Variants in KDM4C observed in about 807,000 individuals in gnomAD.
KDM4C encodes lysine-specific demethylase 4C.
In KDM4C, 81 loss-of-function variants were observed where a neutral mutation model predicts 129.3. The ratio of observed to expected loss-of-function variants is 0.63; its 90% CI spans 0.52 to 0.75. KDM4C has a LOEUF of 0.75. KDM4C is among the 30% of genes least tolerant of loss of function. The pLI, the probability that KDM4C is intolerant of heterozygous loss-of-function variation, is 0.00. For synonymous variants in KDM4C, 573 were observed against 456.1 expected (o/e 1.26, Z -3.26); for missense variants, 1,457 against 1,304.0 (o/e 1.12, Z -1.81).
At chr9:6,938,861 A>G (rs1052685158) in intron 8 of KDM4C, among the ~76,000 whole-genome samples, 3 of 152,072 alleles carry the variant, frequency 2.0e-5, no homozygotes, top group Admixed American at 6.5e-5. Flanking sequence ...ATAATAAAAT[A>G]TTATTGTTCT....
intron 17 of KDM4C, among the ~76,000 whole-genome samples, chr9:7,072,688 G>A (rs1833369898): frequency 6.6e-6 from 1 of 152,152 alleles, no homozygotes; most frequent in Non-Finnish European, 1.5e-5. Flanking sequence ...TCTTGATTGT[G>A]GTGGAGGTAC....
At chr9:6,865,420 CTATGT>C (rs1841775565) in intron 5 of KDM4C, among the ~76,000 whole-genome samples, 1 of 152,178 alleles carries the variant, frequency 6.6e-6, no homozygotes, top group Admixed American at 6.5e-5. Flanking sequence ...TTACATATAG[CTATGT>C]TATTAGGGCC....
At chr9:6,833,246 T>C (rs1260678902) in intron 4 of KDM4C, among the ~76,000 whole-genome samples, 1 of 152,162 alleles carries the variant, frequency 6.6e-6, no homozygotes, top group Non-Finnish European at 1.5e-5. Context: ...TTAGCCTATT[T>C]TTTTTAAAAA....
intron 17 of KDM4C, among the ~76,000 whole-genome samples, chr9:7,078,993 G>A (rs1428975199): frequency 6.6e-6 from 1 of 152,178 alleles, no homozygotes; most frequent in Non-Finnish European, 1.5e-5. Flanking sequence ...CCTCTGCCTA[G>A]CATGTACCAA....
chr9:7,083,693 C>G (rs987286644), intron 17 of KDM4C, among the ~76,000 whole-genome samples: 4 of 144,838 alleles, frequency 2.8e-5, no homozygotes, highest in African/African-American at 1.1e-4. Flanking sequence ...CTGAAACGTC[C>G]CATGTAGCAC....
intron 5 of KDM4C, among the ~76,000 whole-genome samples, chr9:6,855,938 G>A (rs1014780008): frequency 6.6e-6 from 1 of 152,054 alleles, no homozygotes; most frequent in Non-Finnish European, 1.5e-5. Flanking sequence ...ATGGGGTCTC[G>A]CTGGGTTGCC....
At chr9:6,927,950 G>C (rs995424013) in intron 8 of KDM4C, among the ~76,000 whole-genome samples, 4 of 152,038 alleles carry the variant, frequency 2.6e-5, no homozygotes, top group African/African-American at 9.7e-5. Context: ...TGAACTTTTG[G>C]TATCATCCTA....
chr9:7,094,030 T>C (rs1053386404), intron 17 of KDM4C, among the ~76,000 whole-genome samples: 2 of 152,244 alleles, frequency 1.3e-5, no homozygotes, highest in Non-Finnish European at 2.9e-5. Context: ...CTAAACCTCT[T>C]ACGTATGCTA....
chr9:7,106,900 A>C (rs1245310787), intron 18 of KDM4C, among the ~76,000 whole-genome samples: 6 of 152,188 alleles, frequency 3.9e-5, no homozygotes, highest in Non-Finnish European at 7.3e-5. Flanking sequence ...ACATTATTCC[A>C]TCAAGCAGTA....
intron 15 of KDM4C, among the ~76,000 whole-genome samples, chr9:7,033,747 A>G (rs1029344737): frequency 2.0e-5 from 3 of 152,222 alleles, no homozygotes; most frequent in Admixed American, 6.5e-5. Context: ...TTCTTGATTG[A>G]GAACAAATGC....
At chr9:7,153,365 G>T (rs73398963) in intron 19 of KDM4C, among the ~76,000 whole-genome samples, 1,683 of 152,296 alleles carry the variant, frequency 0.011, 37 homozygotes, top group African/African-American at 0.038. Flanking sequence ...AGAGGCCATT[G>T]CTAAGAGCTG....
intron 8 of KDM4C, among the ~76,000 whole-genome samples, chr9:6,898,291 G>C (rs1344761318): frequency 1.3e-5 from 2 of 152,164 alleles, no homozygotes; most frequent in Non-Finnish European, 2.9e-5. Flanking sequence ...GTTATTTACT[G>C]TACTGATTTT....
intron 2 of KDM4C, among the ~76,000 whole-genome samples, chr9:6,802,286 ACT>A (rs1564041480): frequency 6.6e-6 from 1 of 152,050 alleles, no homozygotes; most frequent in African/African-American, 2.4e-5. Context: ...AGGAATGGGA[ACT>A]CTCGTATATT....
At chr9:6,928,966 C>CT (rs1433495936) in intron 8 of KDM4C, among the ~76,000 whole-genome samples, 1 of 152,214 alleles carries the variant, frequency 6.6e-6, no homozygotes, top group Non-Finnish European at 1.5e-5. Flanking sequence ...CACCCTTGTG[C>CT]TTTAGTAAAA....
intron 1 of KDM4C, among the ~76,000 whole-genome samples, chr9:6,747,949 C>T (rs922800605): frequency 2.0e-5 from 3 of 149,904 alleles, no homozygotes; most frequent in African/African-American, 2.5e-5. Flanking sequence ...AGGCCAAGGC[C>T]GGTGGCTCAC....
intron 6 of KDM4C, among the ~76,000 whole-genome samples, chr9:6,881,882 A>C (rs1484460202): frequency 6.6e-6 from 1 of 152,242 alleles, no homozygotes; most frequent in African/African-American, 2.4e-5. Flanking sequence ...AAAATAATGC[A>C]GTGCGAATGA....
intron 4 of KDM4C, among the ~76,000 whole-genome samples, chr9:6,832,743 C>CAT (rs1835110541): frequency 1.4e-5 from 1 of 73,758 alleles, no homozygotes; most frequent in African/African-American, 5.8e-5. Flanking sequence ...TTTTTTTTTA[C>CAT]GGAGATGGAG....
At chr9:7,073,768 C>T (rs78816584) in intron 17 of KDM4C, among the ~76,000 whole-genome samples, 5,008 of 152,232 alleles carry the variant, frequency 0.033, 260 homozygotes, top group African/African-American at 0.11. Context: ...TACCATTAGC[C>T]TTGCAGGGCC....
At chr9:6,930,060 A>G (rs1823384465) in intron 8 of KDM4C, among the ~76,000 whole-genome samples, 1 of 152,080 alleles carries the variant, frequency 6.6e-6, no homozygotes, top group Non-Finnish European at 1.5e-5. Flanking sequence ...CATTTGATTT[A>G]ATTGGTTTTA....
Sources: allele counts gnomAD v4.1 joint callset (sites outside exome capture counted in the v4.1 genomes callset), GRCh38; gene constraint gnomAD v4.1.1; transcripts MANE v1.5; gene names NCBI Gene and HGNC (gene_info 2026-07-23, HGNC 2026-07-21).